The following GPSM1 variants were observed in gnomAD, a reference collection of about 807,000 sequenced individuals.
GPSM1 encodes the protein G protein-signaling modulator 1.
In GPSM1, 48 loss-of-function variants were observed where a neutral mutation model predicts 70.5. The observed-to-expected ratio is 0.68, with a 90% CI of 0.54 to 0.87. The LOEUF (loss-of-function observed/expected upper bound fraction) is 0.87. GPSM1 is among the 40% of genes least tolerant of loss of function. The pLI is 0.00. For synonymous variants in GPSM1, 416 were observed against 430.1 expected (o/e 0.97, Z 0.41); for missense variants, 981 against 972.6 (o/e 1.01, Z -0.11).
rs537330227 is a variant in GPSM1, at chr9:136,358,053, G to A, written c.1861G>A (p.Val621Ile). ...TGACCAGCGCTGCCCGCCACCTGAC[G>A]TACTGCCCCGGGGCCCTACCATGCC... ...IDDQRCPPPD[V>I]LPRGPTMPDE... The change falls in exon 14 of 14, where the codon GTA becomes ATA. Residue 621 changes from valine (V) to isoleucine (I), a missense_variant. By Grantham distance (29) the Val-to-Ile change is conservative. Transcript: ENST00000440944. The A allele has an allele frequency of 4.3e-5, 70 of 1,612,756 alleles. No homozygotes were observed. Among genetic ancestry groups the A allele is most frequent in the Middle Eastern group, 3.3e-4 (2 of 6,060 alleles).
chr9:136,349,852 T>C, intron 11 of GPSM1, 89 bp downstream of exon 11: 2 of 1,308,040 alleles, frequency 1.5e-6, no homozygotes, highest in East Asian at 2.5e-5. Context: ...CGGGGCCAGG[T>C]CAGGCCCGGG....
intron 9 of GPSM1, among the ~76,000 whole-genome samples, chr9:136,347,370 G>A (rs1554771429): frequency 6.6e-6 from 1 of 152,064 alleles, no homozygotes; most frequent in Non-Finnish European, 1.5e-5. Flanking sequence ...TGTCCAGTGT[G>A]TCCACGGGTG....
chr9:136,344,340 A>G lies in GPSM1; in HGVS notation c.1207+3347A>G, dbSNP rs117105527. On this transcript the variant is annotated intron_variant, in intron 9 of 13. Transcript: ENST00000440944. ...ATGGTCCATTCCGACTGCCCTCACA[A>G]AGCACCGCAGGCCGGGGCAGCAACA... Among the ~76,000 whole-genome samples the G allele has an allele frequency of 5.4e-3, 829 of 152,276 alleles. 2 individuals carry two copies. Among genetic ancestry groups the G allele is most frequent in the Non-Finnish European group, 9.4e-3 (637 of 68,014 alleles).
chr9:136,338,160 T>G (rs1554769611), intron 6 of GPSM1, among the ~76,000 whole-genome samples, 199 bp downstream of exon 6: 1 of 152,080 alleles, frequency 6.6e-6, no homozygotes, highest in African/African-American at 2.4e-5. Flanking sequence ...AGCCGGCCTA[T>G]GGGAGGTCTG....
In GPSM1 at chr9:136,343,384, C is replaced by T. The variant is rs376609747; in HGVS notation, c.1207+2391C>T. On this transcript the variant is annotated intron_variant, in intron 9 of 13. Coordinates refer to ENST00000440944, the MANE Select transcript of GPSM1 (RefSeq NM_001145638.3). This position sits in a 1 kb window ranked among gnomAD's most constrained non-coding sequence, Gnocchi z 6.0. The stretch of plus-strand genomic sequence containing the variant: ...TGAGCCCTGCAGGACCGCCCCCTGC[C>T]CTTGGCCTGTCCCCGATGGCCCTGC... 6.6e-5 allele frequency among the ~76,000 whole-genome samples: 10 copies of T among 152,328 alleles called. No individual in the cohort carries two copies. In the East Asian group the frequency reaches 1.4e-3, roughly 21 times the overall value.
intron 7 of GPSM1, among the ~76,000 whole-genome samples, chr9:136,339,485 A>G (rs1832333384): frequency 6.6e-6 from 1 of 152,262 alleles, no homozygotes; most frequent in Non-Finnish European, 1.5e-5. Context: ...TGGGAAGAAA[A>G]AAGGCAGAGC....
chr9:136,355,758 C>A lies in GPSM1; in HGVS notation c.1524C>A (p.Ser508Arg). 2 of 1,612,248 alleles carry A rather than the reference C, an allele frequency of 1.2e-6. No homozygotes were observed. The highest frequency in any genetic ancestry group is 1.7e-6 in the Non-Finnish European group (2 of 1,179,372). The change falls in exon 12 of 14, where the codon AGC becomes AGA. Residue 508 changes from serine (S) to arginine (R), a missense_variant. Physicochemically the swap from Ser to Arg is moderately radical, Grantham distance 110. Coordinates refer to ENST00000440944, the MANE Select transcript of GPSM1 (RefSeq NM_001145638.3). ...ACCTGTTGACCAAGTTCCAGAGCAG[C>A]CGCATGGACGACCAGCGTTGTCCCC... Reference protein sequence around the residue: ...FFDLLTKFQSSRMDDQRCPLD... With the variant: ...FFDLLTKFQSRRMDDQRCPLD...
chr9:136,358,462 G>A lies in GPSM1; in HGVS notation c.*242G>A, dbSNP rs533498599. The A allele has an allele frequency of 1.4e-5, 8 of 558,164 alleles. No individual in the cohort carries two copies. The highest frequency in any genetic ancestry group is 2.2e-5 in the Non-Finnish European group (7 of 320,564). 34.6% of individuals were successfully genotyped at this position (558,164 alleles called of 1,614,324 possible). A position where few individuals can be genotyped will look rare whatever the true frequency, so the allele number is the denominator to read the frequency against. On this transcript the variant is annotated 3_prime_UTR_variant, in exon 14 of 14. Transcript: ENST00000440944. ...CTTCTGCCCCTGCCGCAGGCCGGAC[G>A]GGGCCTTCGGCATGTCGGCCCCGAC...
intron 9 of GPSM1, among the ~76,000 whole-genome samples, chr9:136,346,462 C>T (rs913640234): frequency 1.3e-5 from 2 of 152,228 alleles, no homozygotes. Flanking sequence ...CAGGGGCTCC[C>T]CTCTGCCCCA....
rs1832348544 is a variant in GPSM1, at chr9:136,340,029, A to G, written c.1083+214A>G. On this transcript the variant is annotated intron_variant, in intron 8 of 13. Coordinates refer to ENST00000440944, the MANE Select transcript of GPSM1 (RefSeq NM_001145638.3). The surrounding 1 kb of genome is among the most constrained non-coding windows in gnomAD (Gnocchi z 7.3). ...GCCCCCAGCTGGTGCCTTCCTGGGC[A>G]GCTGCGTCTCCTCCTCCTTGGAGAG... 7.3e-6 allele frequency among the ~76,000 whole-genome samples: 1 copy of G among 137,742 alleles called. No homozygotes were observed. The highest frequency in any genetic ancestry group is 2.1e-4 in the South Asian group (1 of 4,760). The allele number at this position is 137,742 out of a possible 152,430, so 90.4% of individuals were successfully genotyped here. A position where few individuals can be genotyped will look rare whatever the true frequency, so the allele number is the denominator to read the frequency against.
rs782554425 is a variant in GPSM1, at chr9:136,347,317, C to T, written c.1208-1380C>T. Among the ~76,000 whole-genome samples the T allele has an allele frequency of 1.2e-4, 18 of 152,212 alleles. No homozygotes were observed. The Middle Eastern group carries it at 0.017, about 144-fold the overall frequency. On this transcript the variant is annotated intron_variant, in intron 9 of 13. Coordinates refer to ENST00000440944, the MANE Select transcript of GPSM1 (RefSeq NM_001145638.3). ...CCAGGGCTGGTTCTGGCCCCGCCCTCGGACTCACACTGGGTGTGCGCAGGG... is the reference window on the plus strand; with the variant it reads ...CCAGGGCTGGTTCTGGCCCCGCCCTTGGACTCACACTGGGTGTGCGCAGGG...
At chr9:136,353,068 C>T (rs1832714834) in intron 11 of GPSM1, 4 of 984,926 alleles carry the variant, frequency 4.1e-6, no homozygotes, top group Non-Finnish European at 4.8e-6. Flanking sequence ...GCGGTGGTGG[C>T]CCTGGGCACC....
chr9:136,335,633 G>A lies in GPSM1; in HGVS notation c.291-333G>A, dbSNP rs28585370. Reference sequence around the variant, plus strand: ...CCATCAGGCCCCCCAAGTCCTCCCCGGATCCTAAGAGCTGCAGACCCCAGC... The same window carrying A: ...CCATCAGGCCCCCCAAGTCCTCCCCAGATCCTAAGAGCTGCAGACCCCAGC... On this transcript the variant is annotated intron_variant, in intron 2 of 13. Transcript: ENST00000440944. Among the ~76,000 whole-genome samples the A allele has an allele frequency of 1.7e-3, 260 of 152,022 alleles. 9 individuals are homozygous for A. In the East Asian group the frequency reaches 0.046, roughly 27 times the overall value.
chr9:136,350,647 C>A (rs1051682973), intron 11 of GPSM1, among the ~76,000 whole-genome samples: 2 of 152,166 alleles, frequency 1.3e-5, no homozygotes, highest in Non-Finnish European at 2.9e-5. Flanking sequence ...AGGGTTCCTC[C>A]TGGTCAGGGG....
Position 136,341,138 on chromosome 9 carries a change from C to T in GPSM1, c.1207+145C>T, listed in dbSNP as rs782381769. ...GCGCCTACAAGCCAGTTCTTCTTGG[C>T]CTCAGGGACAGCACAGGCCTGAGGT... On this transcript the variant is annotated intron_variant, in intron 9 of 13. Coordinates refer to ENST00000440944, the MANE Select transcript of GPSM1 (RefSeq NM_001145638.3). This position sits in a 1 kb window ranked among gnomAD's most constrained non-coding sequence, Gnocchi z 6.7. 18 of 1,550,110 alleles carry T rather than the reference C, an allele frequency of 1.2e-5. No homozygotes were observed. In the South Asian group the frequency reaches 2.0e-4, roughly 17 times the overall value.
intron 5 of GPSM1, 103 bp from the exon 6 acceptor site, chr9:136,337,743 C>A: frequency 1.9e-6 from 2 of 1,053,566 alleles, no homozygotes; most frequent in East Asian, 2.6e-5. Context: ...CCCGGACACA[C>A]AGATCTCTGG....
In GPSM1 at chr9:136,339,431, C is replaced by A. The variant is rs368799474; in HGVS notation, c.975-276C>A. The stretch of plus-strand genomic sequence containing the variant: ...CAGAAACTGCCCGCAAAGGCAGAGC[C>A]GGCCACAGGCCAGGTTGCTTGGACT... On this transcript the variant is annotated intron_variant, in intron 7 of 13. Coordinates refer to ENST00000440944, the MANE Select transcript of GPSM1 (RefSeq NM_001145638.3). 2.6e-5 allele frequency among the ~76,000 whole-genome samples: 4 copies of A among 152,246 alleles called. No individual in the cohort carries two copies. In the East Asian group the frequency reaches 7.7e-4, roughly 29 times the overall value.
chr9:136,331,266 C>T (rs1214979388), intron 1 of GPSM1, among the ~76,000 whole-genome samples: 1 of 152,164 alleles, frequency 6.6e-6, no homozygotes, highest in African/African-American at 2.4e-5. Context: ...TGGCCCTGAC[C>T]CCGTCAGACC....
At chr9:136,333,147 G>A (rs1832142369) in intron 1 of GPSM1, among the ~76,000 whole-genome samples, 1 of 152,222 alleles carries the variant, frequency 6.6e-6, no homozygotes, top group African/African-American at 2.4e-5. Context: ...GTCCCTCCTG[G>A]GCTCCAGCTG....
Sources: allele counts gnomAD v4.1 joint callset (sites outside exome capture counted in the v4.1 genomes callset), GRCh38; gene constraint gnomAD v4.1.1; non-coding constraint Gnocchi (gnomAD v3.1); transcripts MANE v1.5; gene names NCBI Gene and HGNC (gene_info 2026-07-23, HGNC 2026-07-21).